Variants in NUP205 observed in about 807,000 individuals in gnomAD.
The protein encoded by NUP205 is nuclear pore complex protein Nup205.
Under a neutral mutation model 253.8 loss-of-function variants are expected in NUP205, and 76 were observed. That is an observed-to-expected ratio of 0.30 (90% confidence interval 0.25 to 0.36). The LOEUF (loss-of-function observed/expected upper bound fraction) is 0.36. Ranked by LOEUF, NUP205 falls within the 10% of genes least tolerant of loss-of-function variation. NUP205 has a pLI of 1.00. For synonymous variants in NUP205, 832 were observed against 850.1 expected (o/e 0.98, Z 0.37); for missense variants, 2,162 against 2,425.5 (o/e 0.89, Z 2.28).
chr7:135,622,147 G>A (rs912586424), intron 30 of NUP205, among the ~76,000 whole-genome samples: 4 of 151,570 alleles, frequency 2.6e-5, no homozygotes, highest in African/African-American at 9.7e-5. Context: ...ATTAGCGGCT[G>A]GGCACGGTGG....
At chr7:135,609,104 CAA>C (rs1163880987) in intron 22 of NUP205, among the ~76,000 whole-genome samples, 14 of 66,190 alleles carry the variant, frequency 2.1e-4, no homozygotes, top group African/African-American at 2.2e-4. Context: ...AACTCCGTCT[CAA>C]AAAAAAAAAA....
In NUP205 at chr7:135,625,321, T is replaced by A; in HGVS notation, c.4637T>A (p.Leu1546His). Residue 1546 changes from leucine (L) to histidine (H), a missense_variant, in exon 32 of 43, where the codon CTT (leucine) becomes CAT (histidine). Around this residue, in one of 5 missense-constraint regions of NUP205, gnomAD observed 1,144 missense variants for 1,280.9 expected, o/e 0.89. Coordinates refer to ENST00000285968, the MANE Select transcript of NUP205 (RefSeq NM_015135.3). ...AGCTTACTCACCCCACAGCCTCCCC[T>A]TTTAAAAGCACTTTATACTTATGAA... ...LQSLLTPQPP[L>H]LKALYTYESK... The A allele has an allele frequency of 6.2e-7, 1 of 1,610,268 alleles. No individual in the cohort carries two copies. The highest frequency in any genetic ancestry group is 8.5e-7 in the Non-Finnish European group (1 of 1,178,924).
At chr7:135,628,210 T>C in intron 34 of NUP205, 99 bp downstream of exon 34, 8 of 1,176,038 alleles carry the variant, frequency 6.8e-6, no homozygotes, top group Non-Finnish European at 9.5e-6. Context: ...GAATTTACGT[T>C]AGTCCTAATG....
intron 36 of NUP205, among the ~76,000 whole-genome samples, 198 bp downstream of exon 36, chr7:135,635,855 G>T (rs1048514324): frequency 1.9e-4 from 29 of 152,094 alleles, no homozygotes; most frequent in Admixed American, 1.9e-3. Context: ...ATTGTTGGGG[G>T]ATGGGGAGGA....
At chr7:135,581,970 T>C (rs1452117705) in intron 7 of NUP205, among the ~76,000 whole-genome samples, 1 of 152,196 alleles carries the variant, frequency 6.6e-6, no homozygotes, top group Non-Finnish European at 1.5e-5. Context: ...CAATGATGCC[T>C]TATTGCCTAA....
At chr7:135,642,680 A>C (rs937149076) in intron 38 of NUP205, among the ~76,000 whole-genome samples, 2 of 152,242 alleles carry the variant, frequency 1.3e-5, no homozygotes, top group Non-Finnish European at 2.9e-5. Context: ...TTCAGTTACT[A>C]TTCTTGTCTC....
chr7:135,633,914 C>T (rs1036134582), intron 35 of NUP205, among the ~76,000 whole-genome samples: 3 of 152,130 alleles, frequency 2.0e-5, no homozygotes, highest in African/African-American at 7.2e-5. Context: ...ACAGTTCAGC[C>T]CTGTATTATC....
chr7:135,626,138 G>A, intron 32 of NUP205, 102 bp from the exon 33 acceptor site: 1 of 1,382,138 alleles, frequency 7.2e-7, no homozygotes, highest in African/African-American at 1.4e-5. Flanking sequence ...TCTCTTCAGT[G>A]ATAACTAAGG....
intron 11 of NUP205, among the ~76,000 whole-genome samples, chr7:135,592,073 G>T (rs1008390942): frequency 1.3e-5 from 2 of 152,160 alleles, no homozygotes; most frequent in Non-Finnish European, 2.9e-5. Context: ...TTGTTAGGTA[G>T]ATATTTTTAT....
At chr7:135,564,536 C>T (rs758803303) in intron 1 of NUP205, among the ~76,000 whole-genome samples, 33 of 151,418 alleles carry the variant, frequency 2.2e-4, no homozygotes, top group Non-Finnish European at 3.8e-4. Context: ...GCATGAGTCA[C>T]CACGCCCGGC....
intron 1 of NUP205, among the ~76,000 whole-genome samples, chr7:135,562,811 T>C (rs1805626922): frequency 1.3e-5 from 2 of 152,170 alleles, no homozygotes; most frequent in African/African-American, 4.8e-5. Context: ...CCCAAAGTGC[T>C]GGGATTACAG....
intron 22 of NUP205, chr7:135,613,903 TAATA>T (rs1220662984): frequency 4.9e-6 from 1 of 205,302 alleles, no homozygotes; most frequent in African/African-American, 2.3e-5. Context: ...GTGTATATAT[TAATA>T]AGTATATTAA....
chr7:135,645,049 A>T, intron 40 of NUP205, 31 bp downstream of exon 40: 1 of 1,612,596 alleles, frequency 6.2e-7, no homozygotes, highest in Non-Finnish European at 8.5e-7. Context: ...CACTTGAATG[A>T]TGACCTTGAA....
chr7:135,620,603 A>G (rs1794454105), intron 30 of NUP205, among the ~76,000 whole-genome samples: 1 of 152,246 alleles, frequency 6.6e-6, no homozygotes. Flanking sequence ...ATTCACAGGC[A>G]TTTCAATTGT....
chr7:135,618,508 G>T lies in NUP205; in HGVS notation c.3868G>T (p.Val1290Leu). The T allele has an allele frequency of 6.2e-7, 1 of 1,614,134 alleles. No individual in the cohort carries two copies. Among genetic ancestry groups the T allele is most frequent in the South Asian group, 1.1e-5 (1 of 91,082 alleles). ...TGCTCTGGAGTCGTGGAGGCAACTA[G>T]TAGAAATTATACTGACAGCTTGTCC... ...RHALESWRQL[V>L]EIILTACPQD... The change falls in exon 28 of 43, where the codon GTA becomes TTA. Residue 1290 changes from valine (V) to leucine (L), a missense_variant. Coordinates refer to ENST00000285968, the MANE Select transcript of NUP205 (RefSeq NM_015135.3).
chr7:135,566,224 T>G (rs919701790), intron 1 of NUP205, among the ~76,000 whole-genome samples: 4 of 152,100 alleles, frequency 2.6e-5, no homozygotes, highest in Admixed American at 2.6e-4. Context: ...TTCTTGTGCC[T>G]CAACCCTCCT....
At chr7:135,564,681 G>A (rs1367708463) in intron 1 of NUP205, among the ~76,000 whole-genome samples, 1 of 151,938 alleles carries the variant, frequency 6.6e-6, no homozygotes, top group Non-Finnish European at 1.5e-5. Flanking sequence ...ACAGGTGCGA[G>A]CCACCTTGCC....
chr7:135,616,124 AAT>A, intron 24 of NUP205, 59 bp downstream of exon 24: 2 of 1,494,024 alleles, frequency 1.3e-6, no homozygotes, highest in Non-Finnish European at 1.8e-6. Flanking sequence ...GACAAGCACA[AAT>A]CTGAAGCTTG....
chr7:135,581,538 A>G (rs1400608487), intron 7 of NUP205, among the ~76,000 whole-genome samples: 1 of 146,620 alleles, frequency 6.8e-6, no homozygotes, highest in Non-Finnish European at 1.5e-5. Flanking sequence ...GAGTGAGATC[A>G]CATCTCAAAA....
Sources: gnomAD v4.1 joint callset for allele counts (sites outside exome capture counted in the v4.1 genomes callset) on GRCh38, gnomAD v4.1.1 for gene constraint, gnomAD v4.1.1 regional missense constraint, MANE v1.5 for transcripts, NCBI Gene and HGNC (gene_info 2026-07-23, HGNC 2026-07-21) for gene names.